DDX60L: variants seen among roughly 807,000 people sequenced by gnomAD.
The protein encoded by DDX60L is probable ATP-dependent RNA helicase DDX60-like.
A neutral mutation model predicts 211.6 loss-of-function variants in DDX60L; 191 were observed. The observed-to-expected ratio is 0.90, with a 90% CI of 0.80 to 1.02. DDX60L has a LOEUF of 1.02. Among genes scored for constraint, DDX60L ranks in the 50% least tolerant of loss-of-function variants. DDX60L has a pLI of 0.00. For synonymous variants in DDX60L, 706 were observed against 694.1 expected (o/e 1.02, Z -0.27); for missense variants, 2,007 against 1,984.1 (o/e 1.01, Z -0.22).
intron 4 of DDX60L, chr4:168,469,579 C>T (rs1758458822): frequency 6.6e-6 from 1 of 152,110 alleles, no homozygotes; most frequent in South Asian, 2.1e-4. Context: ...AAAGATAGTA[C>T]TAAGAAAACG....
At position 168,450,167 on chromosome 4, in the gene DDX60L, G is replaced by A. The variant is rs552206211; in HGVS notation, c.997-1388C>T. ...TCTGACCCTCCCCAGTATTGCTCCT[G>A]GGGATAAAACCACTATTGTAAAACC... is the stretch of plus-strand genomic sequence containing the variant. On this transcript the variant is annotated intron_variant, in intron 8 of 37. Transcript: ENST00000682922. 4.6e-5 allele frequency among the ~76,000 whole-genome samples: 7 copies of A among 152,220 alleles called. No individual in the cohort carries two copies. The South Asian group carries it at 1.5e-3, about 32-fold the overall frequency.
intron 14 of DDX60L, among the ~76,000 whole-genome samples, chr4:168,424,492 T>C (rs569126381): frequency 1.3e-5 from 2 of 152,342 alleles, no homozygotes; most frequent in South Asian, 4.1e-4. Flanking sequence ...CACCAATGTA[T>C]GCTTTAAGGA....
rs1156239370 is a variant in DDX60L at position 168,441,375 on chromosome 4, CTTG to C, written c.1253_1255del (p.Thr418del). On this transcript the variant is annotated inframe_deletion, in exon 10 of 38. Transcript: ENST00000682922. ...TTTCTCTTGTCTAAGAAAATGTCTT[CTTG>C]TTGTTCTCAGAGGAAAAGACTTTCC... 3 of 1,611,090 alleles carry C rather than the reference CTTG, an allele frequency of 1.9e-6. No individual in the cohort carries two copies. The highest frequency in any genetic ancestry group is 1.7e-5 in the Admixed American group (1 of 59,278).
intron 37 of DDX60L, among the ~76,000 whole-genome samples, 157 bp from the exon 38 acceptor site, chr4:168,358,433 T>C (rs561554465): frequency 6.6e-6 from 1 of 152,228 alleles, no homozygotes; most frequent in East Asian, 1.9e-4. Flanking sequence ...CACAGTTATC[T>C]TGTAAAATCT....
At chr4:168,413,399 G>A (rs560347598) in intron 22 of DDX60L, among the ~76,000 whole-genome samples, 1 of 152,060 alleles carries the variant, frequency 6.6e-6, no homozygotes, top group East Asian at 1.9e-4. Flanking sequence ...AGCGAACTGA[G>A]TTAAACAACA....
chr4:168,472,414 A>G (rs770152542), intron 3 of DDX60L, 41 bp downstream of exon 3: 7 of 1,377,326 alleles, frequency 5.1e-6, no homozygotes, highest in Non-Finnish European at 1.0e-6. Context: ...CACAGAGCAT[A>G]CAATAGTATA....
intron 9 of DDX60L, among the ~76,000 whole-genome samples, chr4:168,447,713 T>A (rs1755036286): frequency 6.6e-6 from 1 of 151,692 alleles, no homozygotes; most frequent in Non-Finnish European, 1.5e-5. Flanking sequence ...AATGATGAGT[T>A]CATGTCCTTT....
At chr4:168,382,669 C>T (rs1743169682) in intron 30 of DDX60L, among the ~76,000 whole-genome samples, 1 of 151,828 alleles carries the variant, frequency 6.6e-6, no homozygotes, top group Non-Finnish European at 1.5e-5. Context: ...GACAACATAA[C>T]AGAATTTAAG....
In DDX60L at chr4:168,422,596, G is replaced by A. The variant is rs553072291; in HGVS notation, c.2172C>T (p.Gly724=). ...TTCTTTCATCTCTTATCAAGTAATG[G>A]CCCATGTATTGCAGTTGAAACCGAG... The part of the protein sequence containing the change: ...GPARFQLQYM[G]HYLIRDERKD... The change falls in exon 16 of 38, where the codon GGC becomes GGT. Residue 724 remains glycine (G), a synonymous_variant. Transcript: ENST00000682922. 5.6e-6 allele frequency: 9 copies of A among 1,613,336 alleles called. No homozygotes were observed. Among genetic ancestry groups the A allele is most frequent in the Admixed American group, 3.3e-5 (2 of 59,978 alleles).
At chr4:168,369,497 CA>C (rs1322673992) in intron 36 of DDX60L, among the ~76,000 whole-genome samples, 1 of 67,348 alleles carries the variant, frequency 1.5e-5, no homozygotes, top group Non-Finnish European at 3.3e-5. Context: ...AAAAAAAAAA[CA>C]GCAGAAAAAC....
At position 168,421,820 on chromosome 4, in the gene DDX60L, G is replaced by A. The variant is rs1010499183; in HGVS notation, c.2334C>T (p.Cys778=). Residue 778 remains cysteine (C), a synonymous_variant, in exon 17 of 38, where the codon TGC becomes TGT. Coordinates refer to ENST00000682922, the MANE Select transcript of DDX60L (RefSeq NM_001012967.3). ...SSGKTYASYY[C]MEKVLRESDV... ...CGCTCTCCCTCAGCACTTTCTCCAT[G>A]CAGTAGTAGGAAGCATAGGTTTTGC... 10 of 1,614,054 alleles carry A rather than the reference G, an allele frequency of 6.2e-6. No individual in the cohort carries two copies. The highest frequency in any genetic ancestry group is 7.6e-6 in the Non-Finnish European group (9 of 1,180,044).
In DDX60L at chr4:168,433,087, C is replaced by T. The variant is rs751249545; in HGVS notation, c.1323G>A (p.Val441=). 4.4e-6 allele frequency: 7 copies of T among 1,606,754 alleles called. No homozygotes were observed. The highest frequency in any genetic ancestry group is 6.0e-6 in the Non-Finnish European group (7 of 1,176,028). The change falls in exon 11 of 38, where the codon GTG becomes GTA. Residue 441 remains valine (V), a synonymous_variant. Coordinates refer to ENST00000682922, the MANE Select transcript of DDX60L (RefSeq NM_001012967.3). ...QEISLEKMPS[V]GFIPMTSAVI... ...CAGCAGATGTCATTGGAATAAAGCC[C>T]ACACTAGGCATCTTTTCCAAGGAGA...
intron 7 of DDX60L, among the ~76,000 whole-genome samples, chr4:168,454,741 G>A (rs1019668932): frequency 8.0e-5 from 8 of 100,468 alleles, no homozygotes; most frequent in East Asian, 2.9e-4. Flanking sequence ...TGGTGCTCCC[G>A]AAGAGTAAAC....
intron 29 of DDX60L, chr4:168,390,535 A>G: frequency 7.1e-7 from 1 of 1,398,932 alleles, no homozygotes; most frequent in Non-Finnish European, 9.4e-7. Context: ...CATGATCTAA[A>G]TTTGAATAAG....
chr4:168,396,092 A>T lies in DDX60L; in HGVS notation c.3524T>A (p.Leu1175Gln). 2 of 1,552,602 alleles carry T rather than the reference A, an allele frequency of 1.3e-6. No homozygotes were observed. The highest frequency in any genetic ancestry group is 1.7e-6 in the Non-Finnish European group (2 of 1,149,458). The stretch of plus-strand genomic sequence containing the variant: ...AGCTCTATACACTTTTTTTCTTTCC[A>T]GTTTTTCAGCCTTCTTTGGGTTTTT... The part of the protein sequence containing the change: ...TKKNPKKAEK[L>Q]ERKKVYRAEY... The change falls in exon 27 of 38, where the codon CTG (leucine) becomes CAG (glutamine). Residue 1175 changes from leucine to glutamine, a missense_variant. Physicochemically the swap from Leu to Gln is moderately radical, Grantham distance 113. Coordinates refer to ENST00000682922, the MANE Select transcript of DDX60L (RefSeq NM_001012967.3).
chr4:168,469,956 T>A (rs1214057980), intron 4 of DDX60L: 1 of 152,044 alleles, frequency 6.6e-6, no homozygotes, highest in African/African-American at 2.4e-5. Context: ...ACAGAATATA[T>A]CAAGAACTAC....
intron 36 of DDX60L, among the ~76,000 whole-genome samples, chr4:168,361,741 A>G (rs181939024): frequency 8.5e-4 from 129 of 152,332 alleles, no homozygotes; most frequent in Middle Eastern, 3.4e-3. Context: ...AAAGACTTCC[A>G]GCGGTTTCCA....
At chr4:168,459,087 A>C (rs1345310696) in intron 5 of DDX60L, among the ~76,000 whole-genome samples, 2 of 152,188 alleles carry the variant, frequency 1.3e-5, no homozygotes, top group African/African-American at 4.8e-5. Flanking sequence ...TATTGAGACT[A>C]ATTTAAACAG....
At chr4:168,373,524 G>C in intron 35 of DDX60L, 142 bp downstream of exon 35, 1 of 832,372 alleles carries the variant, frequency 1.2e-6, no homozygotes, top group East Asian at 2.5e-5. Flanking sequence ...GGCCTCCAGG[G>C]CTTCATTCTC....
Sources: gnomAD v4.1 joint callset for allele counts (sites outside exome capture counted in the v4.1 genomes callset) on GRCh38, gnomAD v4.1.1 for gene constraint, MANE v1.5 for transcripts, NCBI Gene and HGNC (gene_info 2026-07-23, HGNC 2026-07-21) for gene names.